Variants in KCNN2 observed in about 807,000 individuals in gnomAD.
The protein encoded by KCNN2 is small conductance calcium-activated potassium channel protein 2.
KCNN2 carries 24 observed loss-of-function variants against 55.5 expected under a neutral mutation model. The ratio of observed to expected loss-of-function variants is 0.43; its 90% CI spans 0.31 to 0.61. KCNN2 has a LOEUF of 0.61. Ranked by LOEUF, KCNN2 falls within the 20% of genes least tolerant of loss-of-function variation. KCNN2 has a pLI of 0.08. For synonymous variants in KCNN2, 431 were observed against 336.1 expected, an observed-to-expected ratio of 1.28 and a Z score of -3.09; for missense variants, 754 against 853.6, an observed-to-expected ratio of 0.88 and a Z score of 1.45.
At chr5:114,213,768 AT>A in intron 1 of KCNN2, among the ~76,000 whole-genome samples, 1 of 152,182 alleles carries the variant, frequency 6.6e-6, no homozygotes, top group South Asian at 2.1e-4. Flanking sequence ...GGTAGCTTTC[AT>A]TATTCCTGTT....
At chr5:114,279,373 A>C (rs1225428275) in intron 2 of KCNN2, among the ~76,000 whole-genome samples, 1 of 152,062 alleles carries the variant, frequency 6.6e-6, no homozygotes, top group East Asian at 1.9e-4. Flanking sequence ...ACATATGTAT[A>C]CATGTGCATT....
intron 2 of KCNN2, among the ~76,000 whole-genome samples, chr5:114,344,354 A>G (rs987670886): frequency 6.6e-6 from 1 of 152,250 alleles, no homozygotes; most frequent in Admixed American, 6.5e-5. Context: ...CAAAGAATGC[A>G]GATGGAAAGG....
intron 1 of KCNN2, among the ~76,000 whole-genome samples, chr5:114,204,910 A>G (rs370154513): frequency 6.6e-6 from 1 of 152,390 alleles, no homozygotes; most frequent in East Asian, 1.9e-4. Context: ...AGTAAAGGTC[A>G]CATCAAGACA....
At chr5:114,364,060 C>G in intron 2 of KCNN2, 59 bp downstream of exon 2, 1 of 1,278,056 alleles carries the variant, frequency 7.8e-7, no homozygotes, top group Non-Finnish European at 1.1e-6. Context: ...CCTAGAGAAA[C>G]GCAAGGCAGC....
chr5:114,341,888 A>C (rs1458197485), intron 2 of KCNN2, among the ~76,000 whole-genome samples: 1 of 151,568 alleles, frequency 6.6e-6, no homozygotes, highest in African/African-American at 2.4e-5. Context: ...CAGACACTAG[A>C]AAGTTTTCAT....
intron 1 of KCNN2, among the ~76,000 whole-genome samples, chr5:114,074,782 A>G (rs996149936): frequency 1.6e-4 from 24 of 152,330 alleles, no homozygotes; most frequent in Admixed American, 8.5e-4. Flanking sequence ...AAAATAACTT[A>G]GTGACAATTT....
intron 2 of KCNN2, among the ~76,000 whole-genome samples, chr5:114,287,065 G>A (rs1219161053): frequency 6.6e-6 from 1 of 152,196 alleles, no homozygotes; most frequent in Non-Finnish European, 1.5e-5. Flanking sequence ...AGAATCGTCA[G>A]CCAGTCAGTA....
intron 2 of KCNN2, among the ~76,000 whole-genome samples, chr5:114,387,706 T>C (rs942818505): frequency 2.6e-5 from 4 of 152,172 alleles, no homozygotes; most frequent in Non-Finnish European, 2.9e-5. Flanking sequence ...TAGAGCCTCT[T>C]TGTTGTACAT....
chr5:114,130,564 G>A (rs974173714), intron 1 of KCNN2, among the ~76,000 whole-genome samples: 3 of 152,070 alleles, frequency 2.0e-5, no homozygotes, highest in Non-Finnish European at 4.4e-5. Context: ...TGGTTGTTTT[G>A]CCATCTCAGC....
chr5:114,124,103 C>A (rs1751880509), intron 1 of KCNN2, among the ~76,000 whole-genome samples: 1 of 152,180 alleles, frequency 6.6e-6, no homozygotes, highest in African/African-American at 2.4e-5. Context: ...TCATTGAATT[C>A]TTCCATTTTC....
intron 3 of KCNN2, among the ~76,000 whole-genome samples, chr5:114,456,206 C>G (rs1760920550): frequency 6.6e-6 from 1 of 152,164 alleles, no homozygotes; most frequent in Non-Finnish European, 1.5e-5. Flanking sequence ...ACTAATGCTG[C>G]TGGTGACTCT....
At chr5:114,148,474 C>G (rs930575954) in intron 1 of KCNN2, among the ~76,000 whole-genome samples, 7 of 152,132 alleles carry the variant, frequency 4.6e-5, no homozygotes, top group African/African-American at 1.7e-4. Context: ...TCTACCCAAA[C>G]AGGTGACTCA....
At chr5:114,304,349 C>A (rs1225159124) in intron 2 of KCNN2, among the ~76,000 whole-genome samples, 1 of 152,158 alleles carries the variant, frequency 6.6e-6, no homozygotes, top group East Asian at 1.9e-4. Context: ...TCTTATCATG[C>A]AACTTCTTTA....
At chr5:114,446,800 G>T (rs906830154) in intron 3 of KCNN2, among the ~76,000 whole-genome samples, 4 of 152,264 alleles carry the variant, frequency 2.6e-5, no homozygotes, top group East Asian at 3.9e-4. Flanking sequence ...TACTTGGAAG[G>T]CTGAAGCAGG....
chr5:114,188,680 A>C (rs975346159), intron 1 of KCNN2, among the ~76,000 whole-genome samples: 2 of 152,112 alleles, frequency 1.3e-5, no homozygotes, highest in Non-Finnish European at 2.9e-5. Context: ...TAACTAATTA[A>C]AAATGAAATG....
intron 2 of KCNN2, among the ~76,000 whole-genome samples, chr5:114,393,446 T>C (rs1758516059): frequency 6.6e-6 from 1 of 152,172 alleles, no homozygotes; most frequent in Non-Finnish European, 1.5e-5. Flanking sequence ...GTTTTGTACA[T>C]GTAGACTGTT....
chr5:114,474,958 A>G (rs1761904120), intron 5 of KCNN2, among the ~76,000 whole-genome samples: 1 of 152,140 alleles, frequency 6.6e-6, no homozygotes, highest in Admixed American at 6.5e-5. Flanking sequence ...AGACTTCTCC[A>G]TGTTTCATAA....
At chr5:114,267,739 G>C (rs1326763517) in intron 2 of KCNN2, among the ~76,000 whole-genome samples, 1 of 151,990 alleles carries the variant, frequency 6.6e-6, no homozygotes, top group South Asian at 2.1e-4. Flanking sequence ...GTGATTAAAG[G>C]GTTTTTCCCT....
chr5:114,099,378 A>G (rs984004745), intron 1 of KCNN2, among the ~76,000 whole-genome samples: 9 of 152,180 alleles, frequency 5.9e-5, no homozygotes, highest in African/African-American at 7.2e-5. Flanking sequence ...CATTTTGCAC[A>G]TAAGAAAACA....
Sources: gnomAD v4.1 joint callset for allele counts (sites outside exome capture counted in the v4.1 genomes callset) on GRCh38, gnomAD v4.1.1 for gene constraint, MANE v1.5 for transcripts, NCBI Gene and HGNC (gene_info 2026-07-23, HGNC 2026-07-21) for gene names.